The following FGD6 variants were observed in gnomAD, a reference collection of about 807,000 sequenced individuals.
The protein encoded by FGD6 is FYVE, RhoGEF and PH domain containing 6.
In FGD6, 90 loss-of-function variants were observed where a neutral mutation model predicts 149.4. The observed-to-expected ratio is 0.60, with a 90% confidence interval of 0.51 to 0.72. The LOEUF is 0.72. Ranked by LOEUF, FGD6 falls within the 30% of genes least tolerant of loss-of-function variation. FGD6 has a pLI of 0.00. For missense variants in FGD6, 1,437 were observed against 1,684.8 expected (o/e 0.85, Z 2.57); for synonymous variants, 527 against 584.0 (o/e 0.90, Z 1.41).
At chr12:95,153,187 G>C (rs1880361266) in intron 3 of FGD6, among the ~76,000 whole-genome samples, 194 bp from the exon 4 acceptor site, 1 of 152,234 alleles carries the variant, frequency 6.6e-6, no homozygotes, top group South Asian at 2.1e-4. Flanking sequence ...ATAGCTGAGA[G>C]CAATCAGTAA....
At chr12:95,124,507 G>A (rs1386411804) in intron 8 of FGD6, among the ~76,000 whole-genome samples, 1 of 152,200 alleles carries the variant, frequency 6.6e-6, no homozygotes, top group East Asian at 1.9e-4. Flanking sequence ...GAGAGCCCAT[G>A]ATTCTGACTA....
Position 95,134,922 on chromosome 12 carries a change from A to G in FGD6, c.2995-96T>C, listed in dbSNP as rs369523521. 5.6e-6 allele frequency: 5 copies of G among 885,528 alleles called. No individual in the cohort carries two copies. In the East Asian group the frequency reaches 1.3e-4, roughly 23 times the overall value. 54.9% of individuals were successfully genotyped at this position (885,528 alleles called of 1,614,324 possible). ...GGAAGCCAAACTTTAAACATCAAGCAACTCTGGAAGGAGATTCGTAGAGAG... is the reference window on the plus strand; with the variant it reads ...GGAAGCCAAACTTTAAACATCAAGCGACTCTGGAAGGAGATTCGTAGAGAG... On this transcript the variant is annotated intron_variant, in intron 7 of 20. Coordinates refer to ENST00000343958, the MANE Select transcript of FGD6 (RefSeq NM_018351.4).
chr12:95,129,545 A>C (rs1471993911), intron 8 of FGD6, among the ~76,000 whole-genome samples: 1 of 152,246 alleles, frequency 6.6e-6, no homozygotes, highest in African/African-American at 2.4e-5. Context: ...GAAGAAGATA[A>C]GTAAAAGTTA....
At chr12:95,127,947 A>G (rs1879396315) in intron 8 of FGD6, among the ~76,000 whole-genome samples, 1 of 152,196 alleles carries the variant, frequency 6.6e-6, no homozygotes, top group Non-Finnish European at 1.5e-5. Flanking sequence ...TTGTTTCAAC[A>G]CTAATGTAAT....
intron 5 of FGD6, among the ~76,000 whole-genome samples, chr12:95,143,859 T>C (rs1043217063): frequency 3.9e-5 from 6 of 152,340 alleles, no homozygotes; most frequent in Admixed American, 3.3e-4. Flanking sequence ...ATTAATATAA[T>C]CTGGATGCAA....
intron 2 of FGD6, among the ~76,000 whole-genome samples, chr12:95,203,031 C>T (rs528319641): frequency 1.3e-4 from 20 of 152,232 alleles, no homozygotes; most frequent in African/African-American, 4.8e-4. Flanking sequence ...CATTGAAATC[C>T]AACAATACCA....
chr12:95,164,747 A>C (rs987288178), intron 3 of FGD6, among the ~76,000 whole-genome samples: 1 of 152,114 alleles, frequency 6.6e-6, no homozygotes, highest in Non-Finnish European at 1.5e-5. Flanking sequence ...TTACTTTTTA[A>C]TAGAATTATT....
chr12:95,198,441 T>A (rs1881783230), intron 2 of FGD6, among the ~76,000 whole-genome samples: 1 of 152,186 alleles, frequency 6.6e-6, no homozygotes, highest in Non-Finnish European at 1.5e-5. Context: ...GATTACTATT[T>A]TTTTTTCTGT....
Position 95,137,509 on chromosome 12 carries a change from T to C in FGD6, c.2994+13A>G. The C allele has an allele frequency of 6.4e-7, 1 of 1,552,884 alleles. No individual in the cohort carries two copies. The highest frequency in any genetic ancestry group is 1.7e-4 in the Middle Eastern group (1 of 5,818). ...AGAAAGAGAAGTGTTCAACATTAGA[T>C]AGTAGCAAATACCTCAAATTCTCTA... On this transcript the variant is annotated intron_variant, in intron 7 of 20. Transcript: ENST00000343958.
chr12:95,209,926 A>G lies in FGD6; in HGVS notation c.1358T>C (p.Met453Thr), dbSNP rs770059256. ...TAATTTGAGCTGCTTAGGCAGGCTC[A>G]TAGATACAGTACATCTTATAAAACC... ...GTGFIRCTVS[M>T]SLPKQLKLTC... The change falls in exon 2 of 21, where the codon ATG becomes ACG. Residue 453 changes from methionine (M) to threonine (T), a missense_variant. Around this residue, in one of 2 missense-constraint regions of FGD6, gnomAD observed 1,055 missense variants for 1,146.0 expected, o/e 0.92. Coordinates refer to ENST00000343958, the MANE Select transcript of FGD6 (RefSeq NM_018351.4). 1 of 1,613,646 alleles carries G rather than the reference A, an allele frequency of 6.2e-7. No homozygotes were observed. The highest frequency in any genetic ancestry group is 1.1e-5 in the South Asian group (1 of 90,838).
At chr12:95,164,542 T>A (rs191242019) in intron 3 of FGD6, among the ~76,000 whole-genome samples, 2 of 152,120 alleles carry the variant, frequency 1.3e-5, no homozygotes, top group Admixed American at 1.3e-4. Flanking sequence ...GCAATTCTCC[T>A]GCTTCAGTCT....
chr12:95,103,478 C>T (rs996544609), intron 14 of FGD6, among the ~76,000 whole-genome samples: 2 of 152,166 alleles, frequency 1.3e-5, no homozygotes, highest in Admixed American at 1.3e-4. Context: ...TAAGTCACTG[C>T]AGGTTCCGGT....
At chr12:95,144,941 A>C (rs1879963411) in intron 5 of FGD6, among the ~76,000 whole-genome samples, 1 of 146,850 alleles carries the variant, frequency 6.8e-6, no homozygotes, top group Non-Finnish European at 1.5e-5. Context: ...TACCTGCCTC[A>C]GCCTCTGAAA....
chr12:95,201,019 C>T (rs1474630806), intron 2 of FGD6, among the ~76,000 whole-genome samples: 1 of 151,522 alleles, frequency 6.6e-6, no homozygotes, highest in Admixed American at 6.6e-5. Flanking sequence ...CATGTCTAGT[C>T]TGCTTTTTTT....
intron 1 of FGD6, 72 bp downstream of exon 1, chr12:95,217,153 G>C: frequency 7.5e-6 from 12 of 1,601,512 alleles, no homozygotes; most frequent in Non-Finnish European, 1.0e-5. Context: ...GGCGAAGAAA[G>C]TTGCTCGCGA....
At chr12:95,154,217 T>C (rs972733391) in intron 3 of FGD6, among the ~76,000 whole-genome samples, 1 of 152,068 alleles carries the variant, frequency 6.6e-6, no homozygotes, top group African/African-American at 2.4e-5. Context: ...ACCTTGGCCT[T>C]CCAAAGTGTT....
In FGD6 at chr12:95,187,031, T is replaced by C. The variant is rs185808055; in HGVS notation, c.2442-14287A>G. Among the ~76,000 whole-genome samples, 11 of 152,284 alleles carry C rather than the reference T, an allele frequency of 7.2e-5. No homozygotes were observed. The East Asian group carries it at 1.7e-3, about 24-fold the overall frequency. The stretch of plus-strand genomic sequence containing the variant: ...TTGTATATACTTAAAAGTCTAGAAC[T>C]GTATAAAAAGTGACTTCAGGCCGGG... On this transcript the variant is annotated intron_variant, in intron 2 of 20. Transcript: ENST00000343958.
intron 3 of FGD6, among the ~76,000 whole-genome samples, chr12:95,166,642 G>A (rs1317050399): frequency 6.6e-6 from 1 of 152,008 alleles, no homozygotes; most frequent in African/African-American, 2.4e-5. Context: ...GGTTGAAGCT[G>A]CAGTGAGCCA....
At chr12:95,097,702 C>T (rs1878284305) in intron 14 of FGD6, among the ~76,000 whole-genome samples, 1 of 148,918 alleles carries the variant, frequency 6.7e-6, no homozygotes. Flanking sequence ...CTGCAGGATG[C>T]TTCTCTGAGG....
Sources: gnomAD v4.1 joint callset for allele counts (sites outside exome capture counted in the v4.1 genomes callset) on GRCh38, gnomAD v4.1.1 for gene constraint, gnomAD v4.1.1 regional missense constraint, MANE v1.5 for transcripts, NCBI Gene and HGNC (gene_info 2026-07-23, HGNC 2026-07-21) for gene names.